Variants in SLC8A1 observed in about 807,000 individuals in gnomAD.
SLC8A1 encodes sodium/calcium exchanger 1.
In SLC8A1, 18 loss-of-function variants were observed where a neutral mutation model predicts 68.3. The ratio of observed to expected loss-of-function variants is 0.26; its 90% confidence interval spans 0.18 to 0.39. The LOEUF is 0.39. Among genes scored for constraint, SLC8A1 ranks in the 10% least tolerant of loss-of-function variants. The pLI, the probability that SLC8A1 is intolerant of heterozygous loss-of-function variation, is 1.00. For missense variants in SLC8A1, 985 were observed against 1,156.7 expected (o/e 0.85, Z 2.15); for synonymous variants, 475 against 415.5 (o/e 1.14, Z -1.74).
At chr2:40,139,277 A>G (rs2041120543) in intron 7 of SLC8A1, 124 bp downstream of exon 10, 2 of 1,063,106 alleles carry the variant, frequency 1.9e-6, no homozygotes, top group Admixed American at 4.9e-5. Flanking sequence ...TTTATACCTC[A>G]GGGCTCTCGT....
intron 7 of SLC8A1, among the ~76,000 whole-genome samples, chr2:40,125,001 ATGG>A (rs2148144128): frequency 6.6e-6 from 1 of 152,348 alleles, no homozygotes; most frequent in East Asian, 1.9e-4. Flanking sequence ...CTGAATGTAG[ATGG>A]TGGTGAGATG....
exon 2 of SLC8A1, chr2:40,428,590 G>T (rs1012029262): frequency 6.2e-7 from 1 of 1,613,890 alleles, no homozygotes; most frequent in Non-Finnish European, 8.5e-7. Flanking sequence ...TCGAGCTCCA[G>T]ATGTTCTCAA....
chr2:40,360,688 A>C (rs1172077106), intron 2 of SLC8A1, among the ~76,000 whole-genome samples: 1 of 152,144 alleles, frequency 6.6e-6, no homozygotes, highest in African/African-American at 2.4e-5. Flanking sequence ...ATAGCTGTAA[A>C]GGCAACAAAC....
In SLC8A1 at chr2:40,219,165, C is replaced by A. The variant is rs139523266; in HGVS notation, c.1809-41310G>T. Reference sequence around the variant, plus strand: ...GCCCCTTTCAATTGGGATGCTGGAGCGGAGTTGGGTCATGGAGATTAATCT... The same window carrying A: ...GCCCCTTTCAATTGGGATGCTGGAGAGGAGTTGGGTCATGGAGATTAATCT... On this transcript the variant is annotated intron_variant, in intron 2 of 7. Coordinates refer to ENST00000406785, the Ensembl canonical transcript of SLC8A1. 2.0e-5 allele frequency among the ~76,000 whole-genome samples: 3 copies of A among 152,204 alleles called. No homozygotes were observed. In the East Asian group the frequency reaches 5.8e-4, roughly 29 times the overall value.
At chr2:40,272,407 C>T (rs2066158167) in intron 2 of SLC8A1, among the ~76,000 whole-genome samples, 2 of 152,210 alleles carry the variant, frequency 1.3e-5, no homozygotes, top group Admixed American at 1.3e-4. Context: ...CTCCCTCCTA[C>T]CCTACAGACC....
At chr2:40,231,563 G>A (rs2059648660) in intron 2 of SLC8A1, among the ~76,000 whole-genome samples, 1 of 151,972 alleles carries the variant, frequency 6.6e-6, no homozygotes, top group Non-Finnish European at 1.5e-5. Flanking sequence ...CACTTCAAAT[G>A]GGTTTTCCAT....
At chr2:40,233,382 C>T (rs1013179277) in intron 2 of SLC8A1, among the ~76,000 whole-genome samples, 2 of 151,650 alleles carry the variant, frequency 1.3e-5, no homozygotes, top group African/African-American at 4.8e-5. Context: ...TTTTTGGCTG[C>T]ATAAATGTCT....
At chr2:40,350,262 G>C (rs1287949545) in intron 2 of SLC8A1, among the ~76,000 whole-genome samples, 2 of 152,034 alleles carry the variant, frequency 1.3e-5, no homozygotes, top group East Asian at 1.9e-4. Context: ...GGGAAGGATA[G>C]CTTGAGCCCA....
At chr2:40,424,659 A>T (rs1007282111) in intron 2 of SLC8A1, among the ~76,000 whole-genome samples, 2 of 151,880 alleles carry the variant, frequency 1.3e-5, no homozygotes, top group Non-Finnish European at 3.0e-5. Context: ...AATATGTTAT[A>T]CTATGACTAG....
intron 2 of SLC8A1, among the ~76,000 whole-genome samples, chr2:40,240,921 G>C (rs2061136788): frequency 6.6e-6 from 1 of 152,138 alleles, no homozygotes; most frequent in Admixed American, 6.5e-5. Context: ...TTTTAAAATA[G>C]AGACAATAAA....
chr2:40,280,251 T>TAAAAAAAAAAAAA, intron 2 of SLC8A1, among the ~76,000 whole-genome samples: 1 of 94,462 alleles, frequency 1.1e-5, no homozygotes, highest in Non-Finnish European at 2.0e-5. Flanking sequence ...AAATAAACAC[T>TAAAAAAAAAAAAA]AAAAAAAAAA....
At chr2:40,252,848 GTA>G (rs776688049) in intron 2 of SLC8A1, among the ~76,000 whole-genome samples, 7 of 139,766 alleles carry the variant, frequency 5.0e-5, no homozygotes, top group Non-Finnish European at 1.1e-4. Context: ...ATACATATAT[GTA>G]TATATACACA....
intron 2 of SLC8A1, among the ~76,000 whole-genome samples, chr2:40,324,791 G>C (rs13398287): frequency 0.077 from 11,755 of 152,038 alleles, 1,265 homozygotes; most frequent in African/African-American, 0.23. Context: ...GTTGCATCTT[G>C]ACAAGTTCTT....
intron 1 of SLC8A1, among the ~76,000 whole-genome samples, chr2:40,500,130 A>G (rs1272233367): frequency 6.6e-6 from 1 of 150,788 alleles, no homozygotes; most frequent in Non-Finnish European, 1.5e-5. Context: ...ACTTTTTAAA[A>G]AACAAACAAA....
chr2:40,357,922 A>C (rs1461619105), intron 2 of SLC8A1, among the ~76,000 whole-genome samples: 3 of 151,926 alleles, frequency 2.0e-5, no homozygotes, highest in African/African-American at 7.3e-5. Context: ...ATTGTTTTTG[A>C]GTTGCATGGT....
At chr2:40,164,955 T>C (rs201831093) in exon 5 of SLC8A1, 227 of 1,613,882 alleles carry the variant, frequency 1.4e-4, no homozygotes, top group Non-Finnish European at 1.2e-4. Flanking sequence ...TCCTCTTTGC[T>C]GGTCAGTGGC....
intron 2 of SLC8A1, among the ~76,000 whole-genome samples, chr2:40,295,591 T>C (rs1338618694): frequency 6.6e-6 from 1 of 152,194 alleles, no homozygotes; most frequent in Non-Finnish European, 1.5e-5. Flanking sequence ...AAGTCATTTA[T>C]GTGCCAGATG....
At chr2:40,399,779 T>A (rs1009579649) in intron 2 of SLC8A1, among the ~76,000 whole-genome samples, 1 of 152,092 alleles carries the variant, frequency 6.6e-6, no homozygotes, top group African/African-American at 2.4e-5. Flanking sequence ...ACCACCATCT[T>A]TCTAAATTCC....
intron 2 of SLC8A1, among the ~76,000 whole-genome samples, chr2:40,332,464 T>C (rs890069692): frequency 2.6e-5 from 4 of 152,056 alleles, no homozygotes; most frequent in Non-Finnish European, 5.9e-5. Flanking sequence ...CCCTTACTTA[T>C]GTATCTTTAT....
Sources: allele counts gnomAD v4.1 joint callset (sites outside exome capture counted in the v4.1 genomes callset), GRCh38; gene constraint gnomAD v4.1.1; transcripts MANE v1.5; gene names NCBI Gene and HGNC (gene_info 2026-07-23, HGNC 2026-07-21).